EZH2: variants seen among roughly 807,000 people sequenced by gnomAD.
EZH2 encodes enhancer of zeste 2 polycomb repressive complex 2 subunit.
Under a neutral mutation model 98.4 loss-of-function variants are expected in EZH2, and 18 were observed. The ratio of observed to expected loss-of-function variants is 0.18; its 90% CI spans 0.13 to 0.27. The LOEUF (loss-of-function observed/expected upper bound fraction) is 0.27. EZH2 is among the 10% of genes least tolerant of loss of function. The pLI is 1.00. For missense variants in EZH2, 470 were observed against 935.1 expected (o/e 0.50, Z 6.49); for synonymous variants, 338 against 312.3 (o/e 1.08, Z -0.87).
chr7:148,816,792 C>T lies in EZH2; in HGVS notation c.1411-14G>A, dbSNP rs760114210. On this transcript the variant is annotated splice_polypyrimidine_tract_variant and intron_variant, in intron 11 of 19. Coordinates refer to ENST00000320356, the MANE Select transcript of EZH2 (RefSeq NM_004456.5). ...AAACTCATACACCTGACAAGAGGCA[C>T]AGTCACAGAGCCATGAGGACAGTCT... 2 of 1,594,156 alleles carry T rather than the reference C, an allele frequency of 1.3e-6. No homozygotes were observed. Among genetic ancestry groups the T allele is most frequent in the African/African-American group, 1.3e-5 (1 of 74,628 alleles).
Position 148,859,505 on chromosome 7 carries a change from A to AAACAACAACAAC in EZH2, c.-7-12212_-7-12201dup, listed in dbSNP as rs71529644. The stretch of plus-strand genomic sequence containing the variant: ...GCAACAGAGCAAGACTCTGTCTCAA[A>AAACAACAACAAC]AACAACAACAACAACAACAACAACA... On this transcript the variant is annotated intron_variant, in intron 1 of 19. Transcript: ENST00000320356. 5.9e-3 allele frequency among the ~76,000 whole-genome samples: 889 copies of AAACAACAACAAC among 150,280 alleles called. 4 individuals carry two copies. The highest frequency in any genetic ancestry group is 0.014 in the Middle Eastern group (4 of 290).
chr7:148,815,130 C>G, intron 13 of EZH2, 91 bp from the exon 14 acceptor site: 1 of 1,474,120 alleles, frequency 6.8e-7, no homozygotes, highest in Non-Finnish European at 9.2e-7. Flanking sequence ...TCCCTACTAC[C>G]TGTGGAGTGT....
At chr7:148,821,924 C>G (rs779210961) in intron 8 of EZH2, among the ~76,000 whole-genome samples, 3 of 152,132 alleles carry the variant, frequency 2.0e-5, no homozygotes, top group African/African-American at 4.8e-5. Flanking sequence ...AATACCGCCT[C>G]ATGAATAGAC....
intron 1 of EZH2, among the ~76,000 whole-genome samples, chr7:148,869,586 C>T (rs1469483370): frequency 1.3e-5 from 2 of 152,174 alleles, no homozygotes; most frequent in Admixed American, 6.5e-5. Flanking sequence ...AATCCTCCCA[C>T]CTCAGCCGCT....
At chr7:148,809,861 T>TC (rs1375355803) in intron 17 of EZH2, among the ~76,000 whole-genome samples, 5 of 152,194 alleles carry the variant, frequency 3.3e-5, no homozygotes, top group Non-Finnish European at 5.9e-5. Flanking sequence ...ACCAGAAACA[T>TC]CCCTACACAG....
chr7:148,825,321 A>G (rs1487289915), intron 8 of EZH2, among the ~76,000 whole-genome samples: 1 of 152,240 alleles, frequency 6.6e-6, no homozygotes, highest in Admixed American at 6.5e-5. Flanking sequence ...CGAATTTTTA[A>G]AACTACCAAA....
intron 7 of EZH2, among the ~76,000 whole-genome samples, chr7:148,826,932 ATATG>A (rs1807878701): frequency 6.6e-6 from 1 of 152,136 alleles, no homozygotes; most frequent in South Asian, 2.1e-4. Flanking sequence ...AATTTTATGT[ATATG>A]TGTGTGTTTA....
intron 1 of EZH2, chr7:148,850,446 T>C: frequency 1.0e-6 from 1 of 966,110 alleles, no homozygotes; most frequent in Non-Finnish European, 1.2e-6. Flanking sequence ...CTACCATTAA[T>C]AACATACCTA....
At chr7:148,882,783 TTAAG>T (rs574141978) in intron 1 of EZH2, among the ~76,000 whole-genome samples, 206 of 152,310 alleles carry the variant, frequency 1.4e-3, no homozygotes, top group African/African-American at 4.5e-3. Flanking sequence ...AAGCAAGCCT[TTAAG>T]TAAATAGCAA....
chr7:148,827,359 G>T, intron 6 of EZH2, 93 bp from the exon 7 acceptor site: 1 of 861,438 alleles, frequency 1.2e-6, no homozygotes, highest in South Asian at 1.8e-5. Flanking sequence ...CTATAACAAA[G>T]CTGATTTTCT....
At chr7:148,849,578 T>C (rs1160292965) in intron 1 of EZH2, among the ~76,000 whole-genome samples, 4 of 152,006 alleles carry the variant, frequency 2.6e-5, no homozygotes, top group African/African-American at 9.7e-5. Context: ...GTTGCTAAAG[T>C]GGAATAAAGC....
intron 3 of EZH2, among the ~76,000 whole-genome samples, chr7:148,841,409 G>A (rs1265920857): frequency 3.3e-5 from 5 of 152,102 alleles, no homozygotes; most frequent in Non-Finnish European, 5.9e-5. Context: ...ACCAATAATA[G>A]TTAAAAGAGG....
At chr7:148,814,839 T>A in intron 14 of EZH2, 75 bp downstream of exon 14, 1 of 1,524,392 alleles carries the variant, frequency 6.6e-7, no homozygotes, top group Non-Finnish European at 8.9e-7. Context: ...CATGTTCTTA[T>A]TTTTGATTTT....
chr7:148,850,833 C>T (rs1225039838), intron 1 of EZH2, among the ~76,000 whole-genome samples: 1 of 152,222 alleles, frequency 6.6e-6, no homozygotes, highest in East Asian at 1.9e-4. Flanking sequence ...TTTTCCTATA[C>T]GTACATACCC....
intron 1 of EZH2, among the ~76,000 whole-genome samples, chr7:148,865,620 T>C (rs1818330469): frequency 6.6e-6 from 1 of 152,140 alleles, no homozygotes; most frequent in African/African-American, 2.4e-5. Context: ...AGAGGAAAAA[T>C]GGGCTGGTCT....
chr7:148,808,920 TAACAGGA>T lies in EZH2; in HGVS notation c.2195+144_2195+150del, dbSNP rs1802294003. On this transcript the variant is annotated intron_variant, in intron 19 of 19. Coordinates refer to ENST00000320356, the MANE Select transcript of EZH2 (RefSeq NM_004456.5). ...AATATATAAATGGATAATAAATACA[TAACAGGA>T]AAGTGTAACCTAATTCCCCACTAAT... is the stretch of plus-strand genomic sequence containing the variant. The T allele has an allele frequency of 4.8e-6, 3 of 621,586 alleles. No homozygotes were observed. In the Admixed American group the frequency reaches 8.9e-5, roughly 18 times the overall value. The allele number at this position is 621,586 out of a possible 1,614,324, so 38.5% of individuals were successfully genotyped here. A position where few individuals can be genotyped will look rare whatever the true frequency, so the allele number is the denominator to read the frequency against.
intron 5 of EZH2, among the ~76,000 whole-genome samples, chr7:148,829,504 C>A (rs939215062): frequency 1.3e-5 from 2 of 152,188 alleles, no homozygotes; most frequent in Admixed American, 1.3e-4. Flanking sequence ...ACCAACTATG[C>A]ATAATTATCA....
At chr7:148,866,619 T>C (rs908030213) in intron 1 of EZH2, among the ~76,000 whole-genome samples, 1 of 147,056 alleles carries the variant, frequency 6.8e-6, no homozygotes, top group Non-Finnish European at 1.5e-5. Context: ...ATAATATATA[T>C]GCATATATGT....
chr7:148,832,275 T>C (rs1176695515), intron 4 of EZH2, among the ~76,000 whole-genome samples: 1 of 152,184 alleles, frequency 6.6e-6, no homozygotes, highest in Non-Finnish European at 1.5e-5. Context: ...CACAGCGTTT[T>C]GCCATATTGC....
Sources: allele counts gnomAD v4.1 joint callset (sites outside exome capture counted in the v4.1 genomes callset), GRCh38; gene constraint gnomAD v4.1.1; transcripts MANE v1.5; gene names NCBI Gene and HGNC (gene_info 2026-07-23, HGNC 2026-07-21).